The following SGCZ variants were observed in gnomAD, a reference collection of about 807,000 sequenced individuals.
SGCZ encodes zeta-sarcoglycan.
Under a neutral mutation model 41.3 loss-of-function variants are expected in SGCZ, and 40 were observed. That is an observed-to-expected ratio of 0.97 (90% CI 0.75 to 1.26). The LOEUF is 1.26. Ranked by LOEUF, SGCZ falls within the 50% of genes most tolerant of loss-of-function variation. SGCZ has a pLI of 0.00. For synonymous variants in SGCZ, 206 were observed against 137.5 expected (o/e 1.50, Z -3.49); for missense variants, 552 against 369.8 (o/e 1.49, Z -4.04).
At chr8:14,569,344 C>A (rs187352195) in intron 1 of SGCZ, among the ~76,000 whole-genome samples, 2 of 152,248 alleles carry the variant, frequency 1.3e-5, no homozygotes, top group Admixed American at 1.3e-4. Context: ...TCACATAGAT[C>A]TCTTTGTGTG....
intron 1 of SGCZ, among the ~76,000 whole-genome samples, chr8:14,634,274 A>G (rs1806755262): frequency 2.0e-5 from 3 of 151,942 alleles, no homozygotes; most frequent in South Asian, 2.1e-4. Context: ...AATTGGGGGG[A>G]AAACAGCATT....
intron 6 of SGCZ, 117 bp downstream of exon 6, chr8:14,108,045 AT>A (rs1802259765): frequency 1.3e-6 from 1 of 784,718 alleles, no homozygotes; most frequent in African/African-American, 2.1e-5. Context: ...TCATTTTTGT[AT>A]TTATTTTAAG....
intron 1 of SGCZ, among the ~76,000 whole-genome samples, chr8:14,651,481 T>G (rs1807396224): frequency 6.6e-6 from 1 of 152,098 alleles, no homozygotes; most frequent in Non-Finnish European, 1.5e-5. Flanking sequence ...GTGGTATTAT[T>G]ATATCACCAT....
rs374921075 is a variant in SGCZ, at chr8:14,655,184, A to G, written c.40-100258T>C. Among the ~76,000 whole-genome samples the G allele has an allele frequency of 7.9e-4, 121 of 152,232 alleles. 1 individual carries two copies. The highest frequency in any genetic ancestry group is 2.8e-3 in the African/African-American group (115 of 41,528). ...AGAAAACTACATGATTTACATGGGTATGAACTGTAAGTTATTCTTACTGTT... is the reference window on the plus strand; with the variant it reads ...AGAAAACTACATGATTTACATGGGTGTGAACTGTAAGTTATTCTTACTGTT... On this transcript the variant is annotated intron_variant, in intron 1 of 7. Coordinates refer to ENST00000382080, the MANE Select transcript of SGCZ (RefSeq NM_139167.4).
At chr8:14,669,189 C>A (rs1808014539) in intron 1 of SGCZ, among the ~76,000 whole-genome samples, 1 of 103,902 alleles carries the variant, frequency 9.6e-6, no homozygotes, top group Non-Finnish European at 1.8e-5. Flanking sequence ...CACACACACA[C>A]TACAAATATA....
intron 2 of SGCZ, among the ~76,000 whole-genome samples, chr8:14,416,777 T>G (rs11990907): frequency 6.6e-6 from 1 of 151,586 alleles, no homozygotes; most frequent in Non-Finnish European, 1.5e-5. Context: ...TTAGTCTGCC[T>G]GGGACTCAAT....
chr8:15,112,924 A>C (rs1807125802), intron 1 of SGCZ, among the ~76,000 whole-genome samples: 1 of 152,174 alleles, frequency 6.6e-6, no homozygotes, highest in Non-Finnish European at 1.5e-5. Flanking sequence ...TAGTTTATTA[A>C]GTAGTAAAGA....
intron 1 of SGCZ, among the ~76,000 whole-genome samples, chr8:14,792,206 A>G (rs1193860712): frequency 2.6e-5 from 4 of 152,248 alleles, no homozygotes; most frequent in Admixed American, 1.3e-4. Flanking sequence ...GTCACAATAT[A>G]TAACATAAAG....
chr8:14,401,548 T>C (rs192381105), intron 2 of SGCZ, among the ~76,000 whole-genome samples: 1 of 150,364 alleles, frequency 6.7e-6, no homozygotes, highest in Non-Finnish European at 1.5e-5. Flanking sequence ...TTTGGTTTTT[T>C]GTTCTTGCGA....
intron 4 of SGCZ, among the ~76,000 whole-genome samples, chr8:14,179,178 C>T (rs748634621): frequency 2.0e-5 from 3 of 152,184 alleles, no homozygotes; most frequent in Admixed American, 6.5e-5. Flanking sequence ...CAGCCCAAAG[C>T]CCCCTTCTCA....
chr8:14,703,220 C>A (rs996325759), intron 1 of SGCZ, among the ~76,000 whole-genome samples: 2 of 151,966 alleles, frequency 1.3e-5, no homozygotes, highest in African/African-American at 4.8e-5. Context: ...ATGCAGTGAT[C>A]TGGTGGCTCT....
intron 3 of SGCZ, among the ~76,000 whole-genome samples, chr8:14,269,456 C>T (rs979259027): frequency 4.2e-4 from 64 of 151,790 alleles, no homozygotes; most frequent in African/African-American, 1.2e-3. Flanking sequence ...TATTTCAAAA[C>T]GAGGCACTGC....
chr8:14,374,431 A>G (rs552496931), intron 2 of SGCZ, among the ~76,000 whole-genome samples: 20 of 152,320 alleles, frequency 1.3e-4, no homozygotes, highest in African/African-American at 4.8e-4. Context: ...TGATTTATAA[A>G]TATGGTAGTA....
At chr8:14,104,565 A>C (rs901644559) in intron 6 of SGCZ, among the ~76,000 whole-genome samples, 1 of 152,122 alleles carries the variant, frequency 6.6e-6, no homozygotes, top group African/African-American at 2.4e-5. Flanking sequence ...GGAGAAACAG[A>C]AAGAAAGAGA....
At chr8:14,696,002 T>C (rs1261642785) in intron 1 of SGCZ, among the ~76,000 whole-genome samples, 3 of 152,156 alleles carry the variant, frequency 2.0e-5, no homozygotes, top group South Asian at 2.1e-4. Context: ...TTATAAGATA[T>C]TGGTCACCTG....
chr8:14,774,199 G>A (rs1235147215), intron 1 of SGCZ, among the ~76,000 whole-genome samples: 1 of 151,858 alleles, frequency 6.6e-6, no homozygotes, highest in African/African-American at 2.4e-5. Context: ...CCCTGAGCAA[G>A]AGAGAACTGT....
chr8:14,950,251 A>G (rs1420048048), intron 1 of SGCZ, among the ~76,000 whole-genome samples: 1 of 152,048 alleles, frequency 6.6e-6, no homozygotes, highest in Non-Finnish European at 1.5e-5. Context: ...ACGGGAAACA[A>G]TAAGTAGGAA....
intron 1 of SGCZ, among the ~76,000 whole-genome samples, chr8:15,033,680 C>CT (rs1803770269): frequency 6.6e-6 from 1 of 152,094 alleles, no homozygotes; most frequent in Admixed American, 6.5e-5. Flanking sequence ...AGGCATAAGG[C>CT]TTATCCCAGT....
intron 1 of SGCZ, among the ~76,000 whole-genome samples, chr8:14,856,381 T>C (rs756914693): frequency 1.3e-5 from 2 of 152,194 alleles, no homozygotes; most frequent in Non-Finnish European, 2.9e-5. Flanking sequence ...AAGAAGGCCA[T>C]TCAAGGAAGA....
Sources: allele counts gnomAD v4.1 joint callset (sites outside exome capture counted in the v4.1 genomes callset), GRCh38; gene constraint gnomAD v4.1.1; transcripts MANE v1.5; gene names NCBI Gene and HGNC (gene_info 2026-07-23, HGNC 2026-07-21).